The following SLC6A13 variants were observed in gnomAD, a reference collection of about 807,000 sequenced individuals.
The protein encoded by SLC6A13 is solute carrier family 6 member 13.
A neutral mutation model predicts 72.9 loss-of-function variants in SLC6A13; 69 were observed. The ratio of observed to expected loss-of-function variants is 0.95; its 90% confidence interval spans 0.78 to 1.16. The LOEUF is 1.16. Among genes scored for constraint, SLC6A13 ranks in the 50% most tolerant of loss-of-function variants. The pLI is 0.00. For missense variants in SLC6A13, 735 were observed against 760.5 expected (o/e 0.97, Z 0.39); for synonymous variants, 303 against 303.0 (o/e 1.00, Z 0.00).
At chr12:261,590 C>T (rs567416741) in intron 1 of SLC6A13, among the ~76,000 whole-genome samples, 2 of 152,262 alleles carry the variant, frequency 1.3e-5, no homozygotes, top group Non-Finnish European at 2.9e-5. Context: ...GTAACCTCTT[C>T]TGGCCACAGA....
chr12:251,632 C>T (rs189823331), intron 2 of SLC6A13, among the ~76,000 whole-genome samples: 401 of 152,026 alleles, frequency 2.6e-3, no homozygotes, highest in Non-Finnish European at 4.7e-3. Flanking sequence ...ATTTAAAACG[C>T]CTTCTCTTCT....
At chr12:240,353 A>G (rs140135882) in intron 4 of SLC6A13, among the ~76,000 whole-genome samples, 2 of 152,060 alleles carry the variant, frequency 1.3e-5, no homozygotes, top group African/African-American at 2.4e-5. Flanking sequence ...ATGGGTGTGC[A>G]CCACCACCCC....
At chr12:245,844 G>A (rs1241581421) in intron 2 of SLC6A13, among the ~76,000 whole-genome samples, 12 of 152,078 alleles carry the variant, frequency 7.9e-5, no homozygotes, top group South Asian at 6.2e-4. Context: ...TTAGCTGGGC[G>A]CGGTGGCTCA....
At chr12:246,059 A>T (rs1942337162) in intron 2 of SLC6A13, among the ~76,000 whole-genome samples, 1 of 152,184 alleles carries the variant, frequency 6.6e-6, no homozygotes, top group Admixed American at 6.5e-5. Context: ...CGGAGGTTGC[A>T]GTGAGCCGAG....
intron 9 of SLC6A13, among the ~76,000 whole-genome samples, chr12:225,844 T>C (rs525631): frequency 0.47 from 72,076 of 152,018 alleles, 18,010 homozygotes; most frequent in East Asian, 0.75. Flanking sequence ...TTATCCAGAC[T>C]GGGGCCTGGG....
At chr12:234,186 T>C (rs1205072925) in intron 7 of SLC6A13, among the ~76,000 whole-genome samples, 1 of 152,156 alleles carries the variant, frequency 6.6e-6, no homozygotes, top group East Asian at 1.9e-4. Flanking sequence ...GTAACCACAC[T>C]TCAGGGCCTC....
intron 6 of SLC6A13, among the ~76,000 whole-genome samples, chr12:235,728 A>G (rs1330798095): frequency 2.6e-5 from 4 of 152,208 alleles, no homozygotes; most frequent in Non-Finnish European, 5.9e-5. Context: ...TCGGGCAAAA[A>G]CAGCCATATT....
Position 223,170 on chromosome 12 carries a change from A to G in SLC6A13, c.1376T>C (p.Val459Ala). 6.2e-7 allele frequency: 1 copy of G among 1,613,984 alleles called. No individual in the cohort carries two copies. ...CACACAGAGGGACTCGAAGATGGCC[A>G]CGAACAGGAGGCACATGCCACTGGC... ...YAASGMCLLFVAIFESLCVAW... is the reference protein window; with the variant it reads ...YAASGMCLLFAAIFESLCVAW... The change falls in exon 12 of 15, where the codon GTG becomes GCG. Residue 459 changes from valine (V) to alanine (A), a missense_variant. Coordinates refer to ENST00000343164, the MANE Select transcript of SLC6A13 (RefSeq NM_016615.5).
At position 226,376 on chromosome 12, in the gene SLC6A13, C is replaced by T; in HGVS notation, c.1060+14G>A. ...CCAGGCTCACTGCCTCCAGGCCTCC[C>T]CAGTAACACTCACCTGACTCGGCCA... is the stretch of plus-strand genomic sequence containing the variant. On this transcript the variant is annotated intron_variant, in intron 9 of 14. Transcript: ENST00000343164. The T allele has an allele frequency of 6.2e-7, 1 of 1,613,598 alleles. No individual in the cohort carries two copies. The highest frequency in any genetic ancestry group is 8.5e-7 in the Non-Finnish European group (1 of 1,179,636).
At chr12:259,721 A>T in intron 2 of SLC6A13, 130 bp downstream of exon 2, 1 of 1,583,880 alleles carries the variant, frequency 6.3e-7, no homozygotes, top group Non-Finnish European at 8.6e-7. Context: ...GTCCTTAATG[A>T]CCTCTAAGCG....
At chr12:248,403 G>GAAAAAAAAAAAAAAAAAAAAA (rs35297718) in intron 2 of SLC6A13, among the ~76,000 whole-genome samples, 1 of 100,452 alleles carries the variant, frequency 1.0e-5, no homozygotes, top group South Asian at 3.6e-4. Context: ...CTCCGTCTCG[G>GAAAAAAAAAAAAAAAAAAAAA]AAAAAAAAAA....
At chr12:245,292 C>A (rs1223495038) in intron 2 of SLC6A13, among the ~76,000 whole-genome samples, 4 of 152,202 alleles carry the variant, frequency 2.6e-5, no homozygotes, top group African/African-American at 9.7e-5. Context: ...CTAGACCGAG[C>A]ACACTTCTAT....
intron 6 of SLC6A13, 80 bp from the exon 7 acceptor site, chr12:235,304 G>A: frequency 4.9e-6 from 7 of 1,432,514 alleles, no homozygotes; most frequent in Non-Finnish European, 6.9e-6. Context: ...GGAGGCAGGG[G>A]CAAGAGCTCC....
At chr12:255,566 C>T (rs748865429) in intron 2 of SLC6A13, among the ~76,000 whole-genome samples, 12 of 152,210 alleles carry the variant, frequency 7.9e-5, no homozygotes, top group Admixed American at 1.3e-4. Flanking sequence ...CGTGTTGGCG[C>T]GCGCCTGTAG....
chr12:227,011 T>A (rs1941487817), intron 8 of SLC6A13: 1 of 165,550 alleles, frequency 6.0e-6, no homozygotes, highest in Non-Finnish European at 1.3e-5. Context: ...ACAAACCAGG[T>A]AGGCAAGGAG....
chr12:230,556 A>G (rs1437350648), intron 7 of SLC6A13, among the ~76,000 whole-genome samples: 1 of 152,222 alleles, frequency 6.6e-6, no homozygotes, highest in Non-Finnish European at 1.5e-5. Context: ...TGCCTAACAC[A>G]TAAATAAATA....
intron 7 of SLC6A13, among the ~76,000 whole-genome samples, chr12:232,356 G>C (rs1050996847): frequency 6.6e-6 from 1 of 152,126 alleles, no homozygotes; most frequent in African/African-American, 2.4e-5. Context: ...CTCTTGTGTG[G>C]GGAATCCAAG....
chr12:243,875 C>T (rs1213441740), intron 2 of SLC6A13, 62 bp from the exon 3 acceptor site: 11 of 1,545,582 alleles, frequency 7.1e-6, no homozygotes, highest in South Asian at 4.8e-5. Flanking sequence ...CTGCATTCAC[C>T]TCCTCCCATT....
intron 7 of SLC6A13, among the ~76,000 whole-genome samples, chr12:232,513 G>C (rs1454154650): frequency 1.3e-5 from 2 of 152,170 alleles, no homozygotes; most frequent in Non-Finnish European, 2.9e-5. Context: ...CCTTTGCCTG[G>C]TCTGCCATAA....
Sources: gnomAD v4.1 joint callset for allele counts (sites outside exome capture counted in the v4.1 genomes callset) on GRCh38, gnomAD v4.1.1 for gene constraint, MANE v1.5 for transcripts, NCBI Gene and HGNC (gene_info 2026-07-23, HGNC 2026-07-21) for gene names.